The following KCTD13 variants were observed in gnomAD, a reference collection of about 807,000 sequenced individuals.
KCTD13 encodes BTB/POZ domain-containing adapter for CUL3-mediated RhoA degradation protein 1.
Under a neutral mutation model 32.3 loss-of-function variants are expected in KCTD13, and 15 were observed. The ratio of observed to expected loss-of-function variants is 0.46; its 90% CI spans 0.31 to 0.71. The LOEUF (loss-of-function observed/expected upper bound fraction) is 0.71, where lower values mean the gene tolerates loss of function less well. Ranked by LOEUF, KCTD13 falls within the 30% of genes least tolerant of loss-of-function variation. The pLI is 0.05. For synonymous variants in KCTD13, 189 were observed against 200.1 expected (o/e 0.94, Z 0.47); for missense variants, 337 against 452.6 (o/e 0.74, Z 2.32).
At chr16:29,912,898 T>A (rs62056408) in intron 2 of KCTD13, among the ~76,000 whole-genome samples, 1 of 152,230 alleles carries the variant, frequency 6.6e-6, no homozygotes, top group Non-Finnish European at 1.5e-5. Flanking sequence ...GTGAATGAAC[T>A]TCATTGGGTG....
At chr16:29,913,612 T>C (rs2068756013) in intron 2 of KCTD13, 2 of 152,182 alleles carry the variant, frequency 1.3e-5, no homozygotes, top group Non-Finnish European at 2.9e-5. Flanking sequence ...GTGGCCAAGA[T>C]GTCAGTGGGG....
At position 29,907,039 on chromosome 16, in the gene KCTD13, G is replaced by A; in HGVS notation, c.823C>T (p.Pro275Ser). ...NILIYETPRGPDPALLEATGG... is the reference protein window; with the variant it reads ...NILIYETPRGSDPALLEATGG... ...GTGGCCTCCAGGAGGGCTGGGTCTGGGCCCCGGGGAGTCTCGTAGATGAGG... is the reference window on the plus strand; with the variant it reads ...GTGGCCTCCAGGAGGGCTGGGTCTGAGCCCCGGGGAGTCTCGTAGATGAGG... The change falls in exon 6 of 6, where the codon CCA becomes TCA. Residue 275 changes from proline to serine, a missense_variant. This residue lies in a region of KCTD13 where 252 missense variants were observed against 340.2 expected (regional missense o/e 0.74). Transcript: ENST00000568000. 1 of 1,614,000 alleles carries A rather than the reference G, an allele frequency of 6.2e-7. No homozygotes were observed. The highest frequency in any genetic ancestry group is 8.5e-7 in the Non-Finnish European group (1 of 1,179,862).
In KCTD13 at chr16:29,926,100, C is replaced by G. The variant is rs554754018; in HGVS notation, c.-67G>C. ...CGCCCTGCGGCCTGCTCCCGAAGAC[C>G]CTCGGCCGGCCCCCAGCCCTTGGGC... On this transcript the variant is annotated 5_prime_UTR_variant, in exon 1 of 6. Transcript: ENST00000568000. 2 of 1,427,986 alleles carry G rather than the reference C, an allele frequency of 1.4e-6. No homozygotes were observed. The highest frequency in any genetic ancestry group is 1.8e-6 in the Non-Finnish European group (2 of 1,098,700). 88.5% of individuals were successfully genotyped at this position (1,427,986 alleles called of 1,614,324 possible). A position where few individuals can be genotyped will look rare whatever the true frequency, so the allele number is the denominator to read the frequency against.
intron 2 of KCTD13, chr16:29,914,978 A>T (rs565475764): frequency 6.6e-6 from 1 of 152,000 alleles, no homozygotes; most frequent in African/African-American, 2.4e-5. Flanking sequence ...TCTGTCTCAA[A>T]AAAAAAAAAA....
Position 29,906,655 on chromosome 16 carries a change from C to A in KCTD13, c.*217G>T. Reference sequence around the variant, plus strand: ...CCAGGGTGGGGACAAGTGTTGGCTTCGGAAGGCTCTGAGTGGTGGGGCCGG... The same window carrying A: ...CCAGGGTGGGGACAAGTGTTGGCTTAGGAAGGCTCTGAGTGGTGGGGCCGG... On this transcript the variant is annotated 3_prime_UTR_variant, in exon 6 of 6. Transcript: ENST00000568000. 1.5e-6 allele frequency: 1 copy of A among 680,462 alleles called. No individual in the cohort carries two copies. The highest frequency in any genetic ancestry group is 2.7e-6 in the Non-Finnish European group (1 of 370,486). The allele number at this position is 680,462 out of a possible 1,614,324, so 42.2% of individuals were successfully genotyped here.
At chr16:29,923,591 G>T (rs904978420) in intron 1 of KCTD13, among the ~76,000 whole-genome samples, 1 of 152,122 alleles carries the variant, frequency 6.6e-6, no homozygotes. Flanking sequence ...GCCAGGCGCG[G>T]TGGCTCATGC....
In KCTD13 at chr16:29,906,630, C is replaced by T. The variant is rs1166242577; in HGVS notation, c.*242G>A. Reference sequence around the variant, plus strand: ...CAGCTGGAGAGGGAAGGACGCAGGGCCAGGGTGGGGACAAGTGTTGGCTTC... The same window carrying T: ...CAGCTGGAGAGGGAAGGACGCAGGGTCAGGGTGGGGACAAGTGTTGGCTTC... On this transcript the variant is annotated 3_prime_UTR_variant, in exon 6 of 6. Transcript: ENST00000568000. 14 of 667,978 alleles carry T rather than the reference C, an allele frequency of 2.1e-5. No homozygotes were observed. 41.4% of individuals were successfully genotyped at this position (667,978 alleles called of 1,614,324 possible).
chr16:29,912,499 G>C (rs1055425799), intron 2 of KCTD13: 3 of 198,596 alleles, frequency 1.5e-5, no homozygotes, highest in African/African-American at 7.2e-5. Context: ...GGAGTGCAAT[G>C]GCGCCATCTC....
intron 5 of KCTD13, among the ~76,000 whole-genome samples, chr16:29,910,291 G>C (rs1390698865): frequency 1.3e-5 from 2 of 151,916 alleles, no homozygotes; most frequent in Non-Finnish European, 2.9e-5. Flanking sequence ...CTAGCTACTG[G>C]GGAGGCTGAG....
chr16:29,926,123 G>C lies in KCTD13; in HGVS notation c.-90C>G. The C allele has an allele frequency of 1.5e-6, 2 of 1,364,324 alleles. No individual in the cohort carries two copies. The highest frequency in any genetic ancestry group is 2.7e-4 in the Middle Eastern group (1 of 3,722). 84.5% of individuals were successfully genotyped at this position (1,364,324 alleles called of 1,614,324 possible). The stretch of plus-strand genomic sequence containing the variant: ...ACCCTCGGCCGGCCCCCAGCCCTTG[G>C]GCCAGACCGCTCGGCGCACACGCCC... On this transcript the variant is annotated 5_prime_UTR_variant, in exon 1 of 6. Coordinates refer to ENST00000568000, the MANE Select transcript of KCTD13 (RefSeq NM_178863.5).
chr16:29,920,912 G>A (rs2068899621), intron 2 of KCTD13: 1 of 152,184 alleles, frequency 6.6e-6, no homozygotes, highest in Non-Finnish European at 1.5e-5. Flanking sequence ...GACTGGCACA[G>A]AATCAGAAGG....
intron 2 of KCTD13, among the ~76,000 whole-genome samples, chr16:29,918,870 G>A (rs533740234): frequency 6.6e-6 from 1 of 152,138 alleles, no homozygotes; most frequent in South Asian, 2.1e-4. Context: ...ATGTTGGCCA[G>A]GCTGGTCTTG....
chr16:29,922,747 G>A (rs2068934640), intron 2 of KCTD13: 1 of 385,310 alleles, frequency 2.6e-6, no homozygotes, highest in Non-Finnish European at 4.6e-6. Context: ...AAAGCTCCTG[G>A]GGGGCGGAAG....
In KCTD13 at chr16:29,911,998, G is replaced by C. The variant is rs1567441698; in HGVS notation, c.466C>G (p.Pro156Ala). ...PLCLIPMVTS[P>A]REEQQLLAST... ...GCCAGGAGCTGCTGCTCCTCCCGGG[G>C]AGATGTCACCATGGGGATGAGGCAC... Residue 156 changes from proline (P) to alanine (A), a missense_variant, in exon 3 of 6, where the codon CCC becomes GCC. Pro to Ala is a conservative substitution (Grantham distance 27, BLOSUM62 -1). Around this residue, in one of 3 missense-constraint regions of KCTD13, gnomAD observed 252 missense variants for 340.2 expected, o/e 0.74. Transcript: ENST00000568000. The C allele has an allele frequency of 1.1e-5, 17 of 1,611,726 alleles. No homozygotes were observed. Among genetic ancestry groups the C allele is most frequent in the Non-Finnish European group, 1.4e-5 (17 of 1,179,222 alleles).
chr16:29,911,403 G>A (rs867344051), intron 4 of KCTD13: 27 of 566,068 alleles, frequency 4.8e-5, no homozygotes, highest in Middle Eastern at 4.6e-4. Context: ...GTGAGGGACC[G>A]GGAGCCAGGC....
intron 1 of KCTD13, among the ~76,000 whole-genome samples, chr16:29,925,229 C>G (rs2150847676): frequency 6.6e-6 from 1 of 152,326 alleles, no homozygotes; most frequent in African/African-American, 2.4e-5. Flanking sequence ...CCACCCTCCA[C>G]TCTGGTGTCC....
chr16:29,917,821 G>A (rs1166370850), intron 2 of KCTD13, among the ~76,000 whole-genome samples: 1 of 151,972 alleles, frequency 6.6e-6, no homozygotes, highest in Non-Finnish European at 1.5e-5. Context: ...CATGGTGCAC[G>A]CCTGTAATCG....
intron 2 of KCTD13, among the ~76,000 whole-genome samples, chr16:29,915,613 AAAAAAAGAAAAGAAAAAG>A (rs914572199): frequency 4.6e-5 from 7 of 152,098 alleles, no homozygotes; most frequent in African/African-American, 1.7e-4. Flanking sequence ...CTCAAAAAAA[AAAAAAAGAAAAGAAAAAG>A]AAAAAAGAAA....
intron 1 of KCTD13, among the ~76,000 whole-genome samples, chr16:29,923,908 C>A (rs145216931): frequency 1.3e-5 from 2 of 151,442 alleles, no homozygotes; most frequent in African/African-American, 2.4e-5. Context: ...GGCACGGTGA[C>A]TGACGCCTGT....
Sources: allele counts gnomAD v4.1 joint callset (sites outside exome capture counted in the v4.1 genomes callset), GRCh38; gene constraint gnomAD v4.1.1; regional missense constraint gnomAD v4.1.1; transcripts MANE v1.5; gene names NCBI Gene and HGNC (gene_info 2026-07-23, HGNC 2026-07-21).